Variants in GRIA4 observed in about 807,000 individuals in gnomAD.
GRIA4 encodes glutamate ionotropic receptor AMPA type subunit 4, also known as glutamate receptor 4.
Under a neutral mutation model 104.0 loss-of-function variants are expected in GRIA4, and 34 were observed. The observed-to-expected ratio is 0.33, with a 90% CI of 0.25 to 0.44. GRIA4 has a LOEUF of 0.44. GRIA4 is among the 20% of genes least tolerant of loss of function. GRIA4 has a pLI of 1.00. For missense variants in GRIA4, 750 were observed against 1,096.5 expected, an observed-to-expected ratio of 0.68 and a Z score of 4.46; for synonymous variants, 386 against 381.9, an observed-to-expected ratio of 1.01 and a Z score of -0.13.
chr11:105,658,281 T>C (rs2135403540), intron 3 of GRIA4, among the ~76,000 whole-genome samples: 1 of 151,918 alleles, frequency 6.6e-6, no homozygotes, highest in Non-Finnish European at 1.5e-5. Context: ...GCCATGAGTT[T>C]ATAGAATAAA....
At chr11:105,885,187 C>A (rs1464915270) in intron 5 of GRIA4, among the ~76,000 whole-genome samples, 4 of 152,158 alleles carry the variant, frequency 2.6e-5, no homozygotes, top group South Asian at 2.1e-4. Flanking sequence ...CTGATAATTA[C>A]CTTTTGCACA....
At chr11:105,661,162 T>C (rs557465563) in intron 3 of GRIA4, among the ~76,000 whole-genome samples, 15 of 151,752 alleles carry the variant, frequency 9.9e-5, no homozygotes, top group African/African-American at 3.1e-4. Flanking sequence ...AGATTATCAA[T>C]AGATACCTTA....
chr11:105,906,733 C>T (rs1276640643), intron 9 of GRIA4, among the ~76,000 whole-genome samples: 1 of 152,132 alleles, frequency 6.6e-6, no homozygotes, highest in Admixed American at 6.5e-5. Context: ...GGCCCAGCTG[C>T]ACCTCACAGC....
chr11:105,718,376 T>C (rs951455116), intron 3 of GRIA4, among the ~76,000 whole-genome samples: 9 of 152,138 alleles, frequency 5.9e-5, no homozygotes, highest in African/African-American at 1.7e-4. Flanking sequence ...AGAGTGAGGC[T>C]CCAGACAAAG....
intron 3 of GRIA4, among the ~76,000 whole-genome samples, chr11:105,712,037 T>A (rs566725140): frequency 2.0e-5 from 3 of 152,278 alleles, no homozygotes; most frequent in Admixed American, 6.5e-5. Flanking sequence ...AAGATTAAAT[T>A]TAAAATCTTT....
intron 6 of GRIA4, among the ~76,000 whole-genome samples, chr11:105,897,609 T>C (rs1049044425): frequency 6.6e-5 from 10 of 152,278 alleles, no homozygotes; most frequent in African/African-American, 2.4e-4. Context: ...TGAGGATTTT[T>C]ATTATGAAAG....
chr11:105,903,846 T>C lies in GRIA4; in HGVS notation c.918T>C (p.Leu306=), dbSNP rs1946949202. The C allele has an allele frequency of 3.1e-6, 5 of 1,611,594 alleles. No individual in the cohort carries two copies. The highest frequency in any genetic ancestry group is 4.2e-6 in the Non-Finnish European group (5 of 1,177,694). ...YTSALTYDGV[L]VMAETFRSLR... Reference sequence around the variant, plus strand: ...CTGCTCTGACTTATGATGGAGTCCTTGTGATGGCTGAAACTTTCCGAAGTC... The same window carrying C: ...CTGCTCTGACTTATGATGGAGTCCTCGTGATGGCTGAAACTTTCCGAAGTC... Residue 306 remains leucine (L), a synonymous_variant, in exon 8 of 17, where the codon CTT becomes CTC. Coordinates refer to ENST00000282499, the MANE Select transcript of GRIA4 (RefSeq NM_000829.4).
At chr11:105,959,827 G>A (rs756348787) in intron 14 of GRIA4, among the ~76,000 whole-genome samples, 2 of 152,176 alleles carry the variant, frequency 1.3e-5, no homozygotes, top group Non-Finnish European at 2.9e-5. Flanking sequence ...TGCGGTTGTT[G>A]CTTTCTGTTT....
chr11:105,805,485 A>AAAAAAAC (rs1942913976), intron 4 of GRIA4, among the ~76,000 whole-genome samples: 1 of 150,978 alleles, frequency 6.6e-6, no homozygotes, highest in African/African-American at 2.4e-5. Context: ...CAGGAAAAAA[A>AAAAAAAC]AAAAAAAAAA....
chr11:105,952,839 T>A (rs1236957969), intron 14 of GRIA4, among the ~76,000 whole-genome samples: 1 of 152,188 alleles, frequency 6.6e-6, no homozygotes, highest in East Asian at 1.9e-4. Flanking sequence ...CTTACAAAAA[T>A]TTTTCTCTCC....
intron 13 of GRIA4, among the ~76,000 whole-genome samples, chr11:105,932,988 C>T (rs772269753): frequency 3.9e-5 from 6 of 152,050 alleles, no homozygotes; most frequent in Non-Finnish European, 8.8e-5. Context: ...CCTGTAATCC[C>T]AGCACTTTGG....
In GRIA4 at chr11:105,612,029, A is replaced by G. The variant is rs114898986; in HGVS notation, c.89-247A>G. Among the ~76,000 whole-genome samples the G allele has an allele frequency of 5.8e-3, 879 of 152,258 alleles. 7 individuals carry two copies. The highest frequency in any genetic ancestry group is 0.02 in the African/African-American group (829 of 41,550). ...GGGGGAGGGCAAGGGAGAGAAAGGA[A>G]CATTCACTAAATGGTCTCAGAGGTC... On this transcript the variant is annotated intron_variant, in intron 2 of 16. Transcript: ENST00000282499.
chr11:105,808,158 CTATT>C (rs1185825143), intron 4 of GRIA4, among the ~76,000 whole-genome samples: 3 of 151,804 alleles, frequency 2.0e-5, no homozygotes, highest in Admixed American at 6.6e-5. Flanking sequence ...TTATTGTTCT[CTATT>C]TATTCATCCA....
intron 14 of GRIA4, among the ~76,000 whole-genome samples, chr11:105,968,662 T>C (rs951391429): frequency 2.6e-5 from 4 of 152,228 alleles, no homozygotes; most frequent in African/African-American, 9.6e-5. Context: ...ATTTGAAAAC[T>C]TGATCCTTTG....
At chr11:105,791,952 T>G (rs910512949) in intron 4 of GRIA4, among the ~76,000 whole-genome samples, 4 of 152,140 alleles carry the variant, frequency 2.6e-5, no homozygotes, top group African/African-American at 9.7e-5. Flanking sequence ...TGTAAGACAG[T>G]TTATTCTCAT....
intron 3 of GRIA4, among the ~76,000 whole-genome samples, chr11:105,737,760 C>A (rs1939045328): frequency 6.6e-6 from 1 of 152,162 alleles, no homozygotes; most frequent in African/African-American, 2.4e-5. Flanking sequence ...CAGTGATTTT[C>A]TTTTCAAGTG....
chr11:105,872,963 T>C (rs1945671608), intron 5 of GRIA4, among the ~76,000 whole-genome samples: 1 of 152,118 alleles, frequency 6.6e-6, no homozygotes, highest in Non-Finnish European at 1.5e-5. Context: ...CTGGGATACA[T>C]GTGCAGAATG....
chr11:105,973,041 A>G (rs192205286), intron 15 of GRIA4, among the ~76,000 whole-genome samples: 50 of 152,294 alleles, frequency 3.3e-4, no homozygotes, highest in Non-Finnish European at 5.4e-4. Flanking sequence ...ACCAGAGTGG[A>G]ATGAGACAAG....
intron 3 of GRIA4, among the ~76,000 whole-genome samples, chr11:105,751,805 T>C (rs1426714318): frequency 6.6e-6 from 1 of 152,208 alleles, no homozygotes; most frequent in Non-Finnish European, 1.5e-5. Flanking sequence ...CTTCTGTGTC[T>C]TCATAGCATA....
Sources: allele counts gnomAD v4.1 joint callset (sites outside exome capture counted in the v4.1 genomes callset), GRCh38; gene constraint gnomAD v4.1.1; transcripts MANE v1.5; gene names NCBI Gene and HGNC (gene_info 2026-07-23, HGNC 2026-07-21).